Variants in FBXL17 observed in about 807,000 individuals in gnomAD.
The protein encoded by FBXL17 is F-box and leucine rich repeat protein 17.
FBXL17 carries 22 observed loss-of-function variants against 66.2 expected under a neutral mutation model. The observed-to-expected ratio is 0.33, with a 90% CI of 0.24 to 0.47. FBXL17 has a LOEUF of 0.47. Among genes scored for constraint, FBXL17 ranks in the 20% least tolerant of loss-of-function variants. The pLI, the probability that FBXL17 is intolerant of heterozygous loss-of-function variation, is 1.00. For missense variants in FBXL17, 878 were observed against 948.2 expected (o/e 0.93, Z 0.97); for synonymous variants, 474 against 400.5 (o/e 1.18, Z -2.19).
chr5:108,089,350 A>C (rs771205299), intron 6 of FBXL17, among the ~76,000 whole-genome samples: 3 of 151,988 alleles, frequency 2.0e-5, no homozygotes, highest in Non-Finnish European at 2.9e-5. Context: ...CATCCACACT[A>C]ATCTCTTCCT....
rs140256697 is a variant in FBXL17 at position 108,159,170 on chromosome 5, A to T, written c.1745+26947T>A. Among the ~76,000 whole-genome samples the T allele has an allele frequency of 3.3e-4, 50 of 152,318 alleles. 1 individual carries two copies. The East Asian group carries it at 9.5e-3, about 29-fold the overall frequency. On this transcript the variant is annotated intron_variant, in intron 6 of 8. Coordinates refer to ENST00000542267, the MANE Select transcript of FBXL17 (RefSeq NM_001163315.3). ...TCTAAACAGAGAAATCTACAACTCAATATCAAGATGTAGGTATTTTCTCAT... is the reference window on the plus strand; with the variant it reads ...TCTAAACAGAGAAATCTACAACTCATTATCAAGATGTAGGTATTTTCTCAT...
intron 7 of FBXL17, among the ~76,000 whole-genome samples, chr5:107,961,505 G>C (rs1751908199): frequency 6.6e-6 from 1 of 152,112 alleles, no homozygotes; most frequent in South Asian, 2.1e-4. Context: ...AGGAATACAG[G>C]TGTGAGGCAC....
intron 7 of FBXL17, among the ~76,000 whole-genome samples, chr5:108,018,282 C>T (rs570180490): frequency 7.2e-5 from 11 of 152,082 alleles, no homozygotes; most frequent in Non-Finnish European, 1.0e-4. Context: ...TGTTTCTACT[C>T]GTCCAGTCAA....
chr5:108,101,387 C>T (rs987268347), intron 6 of FBXL17, among the ~76,000 whole-genome samples: 2 of 152,200 alleles, frequency 1.3e-5, no homozygotes, highest in Non-Finnish European at 2.9e-5. Flanking sequence ...TTCGATGTTC[C>T]ACTATTCATT....
intron 4 of FBXL17, among the ~76,000 whole-genome samples, chr5:108,231,824 T>A (rs773778931): frequency 6.6e-6 from 1 of 152,174 alleles, no homozygotes; most frequent in Non-Finnish European, 1.5e-5. Context: ...GATACAGGAA[T>A]GCATGGAGTA....
At chr5:108,048,536 G>A (rs288130) in intron 6 of FBXL17, among the ~76,000 whole-genome samples, 117,565 of 152,110 alleles carry the variant, frequency 0.77, 45,783 homozygotes, top group East Asian at 0.93. Flanking sequence ...TCCTAACCCA[G>A]TGCAAAGGAG....
At chr5:108,162,360 G>A (rs1033210605) in intron 6 of FBXL17, among the ~76,000 whole-genome samples, 1 of 151,970 alleles carries the variant, frequency 6.6e-6, no homozygotes, top group Non-Finnish European at 1.5e-5. Context: ...CGTGGTGGTG[G>A]TGGTGTGCCC....
At chr5:108,325,500 A>T (rs1561530252) in intron 4 of FBXL17, among the ~76,000 whole-genome samples, 2 of 152,170 alleles carry the variant, frequency 1.3e-5, no homozygotes, top group Admixed American at 1.3e-4. Flanking sequence ...TATTTTAGCA[A>T]GAGAAAAAGG....
chr5:107,919,921 C>G (rs1750255034), intron 7 of FBXL17, among the ~76,000 whole-genome samples: 1 of 152,124 alleles, frequency 6.6e-6, no homozygotes, highest in African/African-American at 2.4e-5. Flanking sequence ...TTATTTCCAG[C>G]AACTAGGACA....
chr5:107,864,142 C>T (rs564517512), intron 8 of FBXL17, among the ~76,000 whole-genome samples: 4 of 152,204 alleles, frequency 2.6e-5, no homozygotes, highest in African/African-American at 9.6e-5. Context: ...TAATAATATG[C>T]CTCGCACTGT....
chr5:108,142,978 TATAATA>T (rs10623997), intron 6 of FBXL17, among the ~76,000 whole-genome samples: 4 of 145,072 alleles, frequency 2.8e-5, no homozygotes, highest in African/African-American at 1.0e-4. Context: ...GAACATAAAG[TATAATA>T]ATAATAATAA....
At chr5:108,031,986 CACTTTTA>C (rs1746661156) in intron 6 of FBXL17, among the ~76,000 whole-genome samples, 1 of 152,148 alleles carries the variant, frequency 6.6e-6, no homozygotes, top group East Asian at 1.9e-4. Flanking sequence ...TTTGCAAAGA[CACTTTTA>C]GTCATTTAAC....
In FBXL17 at chr5:108,381,229, G is replaced by T. The variant is rs1030256441; in HGVS notation, c.463C>A (p.Gln155Lys). ...CTGGCCAGGAAGAGACTTCGGCCCT[G>T]CTGCTCCCAGGCGGCGGCCGCAGCC... The part of the protein sequence containing the change: ...GLAAAAAWEQ[Q>K]GRSLFLASLG... The change falls in exon 1 of 9, where the codon CAG (glutamine) becomes AAG (lysine). Residue 155 changes from glutamine to lysine, a missense_variant. Physicochemically the swap from Gln to Lys is moderately conservative, Grantham distance 53 (BLOSUM62 1). Coordinates refer to ENST00000542267, the MANE Select transcript of FBXL17 (RefSeq NM_001163315.3). 23 of 1,446,530 alleles carry T rather than the reference G, an allele frequency of 1.6e-5. No homozygotes were observed. Among genetic ancestry groups the T allele is most frequent in the South Asian group, 8.0e-5 (6 of 74,546 alleles). The allele number at this position is 1,446,530 out of a possible 1,614,324, so 89.6% of individuals were successfully genotyped here. A position where few individuals can be genotyped will look rare whatever the true frequency, so the allele number is the denominator to read the frequency against.
intron 8 of FBXL17, among the ~76,000 whole-genome samples, chr5:107,866,184 T>C (rs1404422291): frequency 6.6e-6 from 1 of 152,100 alleles, no homozygotes; most frequent in Non-Finnish European, 1.5e-5. Flanking sequence ...ATATGACACA[T>C]GAGATTTAAA....
chr5:108,192,285 G>C (rs1406238383), intron 5 of FBXL17, among the ~76,000 whole-genome samples: 2 of 152,164 alleles, frequency 1.3e-5, no homozygotes, highest in Non-Finnish European at 2.9e-5. Flanking sequence ...AAAAATCACA[G>C]AGGATTTGAA....
At chr5:108,006,560 T>C (rs575905306) in intron 7 of FBXL17, among the ~76,000 whole-genome samples, 1 of 152,234 alleles carries the variant, frequency 6.6e-6, no homozygotes, top group Non-Finnish European at 1.5e-5. Flanking sequence ...ATTCTGCATT[T>C]AGATTAACCT....
intron 6 of FBXL17, among the ~76,000 whole-genome samples, chr5:108,061,613 G>T (rs7728371): frequency 0.47 from 71,609 of 151,822 alleles, 17,356 homozygotes; most frequent in Admixed American, 0.58. Flanking sequence ...GAATAGTCAG[G>T]TCTGTAAAAT....
chr5:107,937,540 TTG>T (rs1750953322), intron 7 of FBXL17, among the ~76,000 whole-genome samples: 1 of 152,160 alleles, frequency 6.6e-6, no homozygotes, highest in Non-Finnish European at 1.5e-5. Flanking sequence ...GGCCAAAATG[TTG>T]ATAAGCTTAC....
chr5:107,909,445 T>A (rs1244588593), intron 7 of FBXL17, among the ~76,000 whole-genome samples: 2 of 152,160 alleles, frequency 1.3e-5, no homozygotes, highest in Non-Finnish European at 2.9e-5. Flanking sequence ...CACATGGAAC[T>A]TTAGGAAGGT....
Sources: allele counts gnomAD v4.1 joint callset (sites outside exome capture counted in the v4.1 genomes callset), GRCh38; gene constraint gnomAD v4.1.1; transcripts MANE v1.5; gene names NCBI Gene and HGNC (gene_info 2026-07-23, HGNC 2026-07-21).